TAFA4: variants seen among roughly 807,000 people sequenced by gnomAD.
The protein encoded by TAFA4 is chemokine-like protein TAFA-4.
In TAFA4, 20 loss-of-function variants were observed where a neutral mutation model predicts 21.1. The ratio of observed to expected loss-of-function variants is 0.95; its 90% CI spans 0.67 to 1.38. The LOEUF (loss-of-function observed/expected upper bound fraction) is 1.38. Among genes scored for constraint, TAFA4 ranks in the 40% most tolerant of loss-of-function variants. The probability of loss-of-function intolerance (pLI) is 0.00; values close to 1 mark genes in which losing one functional copy is unlikely to be tolerated. For synonymous variants in TAFA4, 71 were observed against 67.4 expected, an observed-to-expected ratio of 1.05 and a Z score of -0.26; for missense variants, 211 against 180.9, an observed-to-expected ratio of 1.17 and a Z score of -0.95.
rs9847918 is a variant in TAFA4 at position 68,842,429 on chromosome 3, G to T, written c.130+38301C>A. ...TGTAAATTTGTTTAAGCTCTTTGTG[G>T]ATTCTGGATATTAGCCCTTTGTCAG... On this transcript the variant is annotated intron_variant, in intron 3 of 5. Coordinates refer to ENST00000295569, the MANE Select transcript of TAFA4 (RefSeq NM_182522.5). Among the ~76,000 whole-genome samples, 970 of 152,258 alleles carry T rather than the reference G, an allele frequency of 6.4e-3. 11 individuals carry two copies. The highest frequency in any genetic ancestry group is 0.022 in the African/African-American group (901 of 41,540).
intron 3 of TAFA4, among the ~76,000 whole-genome samples, chr3:68,817,761 C>CT (rs200829488): frequency 0.015 from 2,235 of 151,982 alleles, 77 homozygotes; most frequent in Non-Finnish European, 0.014. Context: ...AAAGGAATCT[C>CT]TTTTTTTTCT....
intron 3 of TAFA4, among the ~76,000 whole-genome samples, chr3:68,872,872 C>T (rs549895121): frequency 6.0e-4 from 91 of 152,110 alleles, no homozygotes; most frequent in Non-Finnish European, 1.3e-3. Context: ...ATAGGTAGGA[C>T]TTTGCAGAGA....
chr3:68,783,767 CAAA>C (rs1703199895), intron 3 of TAFA4, among the ~76,000 whole-genome samples: 3 of 126,832 alleles, frequency 2.4e-5, no homozygotes, highest in Admixed American at 2.2e-4. Flanking sequence ...GAAACAAAAA[CAAA>C]GAAACAAAGA....
intron 3 of TAFA4, among the ~76,000 whole-genome samples, chr3:68,832,367 G>A (rs1488213457): frequency 6.6e-6 from 1 of 152,156 alleles, no homozygotes; most frequent in South Asian, 2.1e-4. Context: ...GGGTTTTGGT[G>A]TGGATGTCCT....
At chr3:68,777,403 C>T (rs1304819925) in intron 3 of TAFA4, among the ~76,000 whole-genome samples, 1 of 151,992 alleles carries the variant, frequency 6.6e-6, no homozygotes, top group African/African-American at 2.4e-5. Context: ...ATATGGTAGC[C>T]ACTAGCCAAA....
At chr3:68,881,893 C>G (rs1234964765) in intron 2 of TAFA4, among the ~76,000 whole-genome samples, 1 of 152,160 alleles carries the variant, frequency 6.6e-6, no homozygotes, top group African/African-American at 2.4e-5. Flanking sequence ...AAGTCCCAGT[C>G]CCCTACTCCA....
At chr3:68,846,168 GTTC>G (rs1470344024) in intron 3 of TAFA4, among the ~76,000 whole-genome samples, 1 of 152,016 alleles carries the variant, frequency 6.6e-6, no homozygotes, top group Non-Finnish European at 1.5e-5. Flanking sequence ...ACGTAGATTT[GTTC>G]TTCTCACATA....
chr3:68,810,234 T>A lies in TAFA4; in HGVS notation c.131-57216A>T, dbSNP rs986697030. ...GGCCATCTTGGCTCCAGTCTACAGC[T>A]CCCAGCATGAGAGACGCAGAAGATG... is the stretch of plus-strand genomic sequence containing the variant. On this transcript the variant is annotated intron_variant, in intron 3 of 5. Transcript: ENST00000295569. 4.6e-5 allele frequency among the ~76,000 whole-genome samples: 7 copies of A among 152,248 alleles called. No homozygotes were observed. The East Asian group carries it at 1.4e-3, about 29-fold the overall frequency.
At chr3:68,795,039 C>CACAG (rs1703430136) in intron 3 of TAFA4, among the ~76,000 whole-genome samples, 2 of 147,980 alleles carry the variant, frequency 1.4e-5, no homozygotes, top group Non-Finnish European at 3.0e-5. Context: ...CACACACAGA[C>CACAG]ACACAGTCTT....
At chr3:68,904,359 T>C (rs975732525) in intron 1 of TAFA4, among the ~76,000 whole-genome samples, 1 of 152,200 alleles carries the variant, frequency 6.6e-6, no homozygotes, top group Non-Finnish European at 1.5e-5. Flanking sequence ...AGTTGCTCAG[T>C]AAACAGCTGT....
intron 3 of TAFA4, among the ~76,000 whole-genome samples, chr3:68,808,211 A>G (rs1703746087): frequency 6.6e-6 from 1 of 152,164 alleles, no homozygotes; most frequent in Non-Finnish European, 1.5e-5. Flanking sequence ...CTCACAAGAC[A>G]GAATTGTTCA....
intron 3 of TAFA4, among the ~76,000 whole-genome samples, chr3:68,839,656 T>C (rs1704610572): frequency 1.3e-5 from 2 of 152,188 alleles, no homozygotes; most frequent in South Asian, 4.1e-4. Flanking sequence ...CTCTTTTCCC[T>C]GACATATGGC....
intron 3 of TAFA4, among the ~76,000 whole-genome samples, chr3:68,829,466 G>A (rs969371280): frequency 6.6e-6 from 1 of 152,164 alleles, no homozygotes; most frequent in Non-Finnish European, 1.5e-5. Flanking sequence ...TTTGTCATCG[G>A]TTCTGTTTAT....
intron 3 of TAFA4, among the ~76,000 whole-genome samples, chr3:68,794,760 C>A (rs969927753): frequency 3.3e-5 from 5 of 152,038 alleles, no homozygotes; most frequent in African/African-American, 1.2e-4. Context: ...AAGCATGATG[C>A]AGCACCATTA....
At position 68,812,772 on chromosome 3, in the gene TAFA4, C is replaced by A. The variant is rs947972346; in HGVS notation, c.131-59754G>T. On this transcript the variant is annotated intron_variant, in intron 3 of 5. Transcript: ENST00000295569. Reference sequence around the variant, plus strand: ...TCAACATTAGACAGATCAACAAGACCGAAAGTTAAGAAGGATACCCAGGAA... The same window carrying A: ...TCAACATTAGACAGATCAACAAGACAGAAAGTTAAGAAGGATACCCAGGAA... 3.3e-5 allele frequency among the ~76,000 whole-genome samples: 5 copies of A among 151,904 alleles called. No homozygotes were observed. In the South Asian group the frequency reaches 8.3e-4, roughly 25 times the overall value.
At chr3:68,870,837 T>C (rs553794455) in intron 3 of TAFA4, among the ~76,000 whole-genome samples, 17 of 152,126 alleles carry the variant, frequency 1.1e-4, no homozygotes, top group African/African-American at 4.1e-4. Flanking sequence ...ATGCAGTGTT[T>C]GGTTTTCTGT....
At chr3:68,781,889 C>A (rs1703160589) in intron 3 of TAFA4, among the ~76,000 whole-genome samples, 1 of 152,074 alleles carries the variant, frequency 6.6e-6, no homozygotes, top group Admixed American at 6.6e-5. Context: ...GAACTAAAAC[C>A]ACAAAAGTCT....
chr3:68,807,240 TG>T (rs1703720600), intron 3 of TAFA4, among the ~76,000 whole-genome samples: 1 of 152,304 alleles, frequency 6.6e-6, no homozygotes, highest in Non-Finnish European at 1.5e-5. Flanking sequence ...CCTCTTCCAG[TG>T]CTTAGAATTT....
chr3:68,734,624 G>A lies in TAFA4; in HGVS notation c.412-1471C>T, dbSNP rs1702206839. 2.0e-5 allele frequency among the ~76,000 whole-genome samples: 3 copies of A among 152,140 alleles called. No homozygotes were observed. The South Asian group carries it at 6.2e-4, about 32-fold the overall frequency. ...AAAGAGGAATCAAGGACAATTCCAA[G>A]ATCTTTGGCTTGAGCAACTGAATGA... On this transcript the variant is annotated intron_variant, in intron 5 of 5. Transcript: ENST00000295569.
Sources: gnomAD v4.1 joint callset for allele counts (sites outside exome capture counted in the v4.1 genomes callset) on GRCh38, gnomAD v4.1.1 for gene constraint, MANE v1.5 for transcripts, NCBI Gene and HGNC (gene_info 2026-07-23, HGNC 2026-07-21) for gene names.